The following GABBR1 variants were observed in gnomAD, a reference collection of about 807,000 sequenced individuals.
GABBR1 encodes the protein gamma-aminobutyric acid type B receptor subunit 1.
A neutral mutation model predicts 117.7 loss-of-function variants in GABBR1; 35 were observed. The ratio of observed to expected loss-of-function variants is 0.30; its 90% CI spans 0.23 to 0.39. The LOEUF is 0.39. GABBR1 is among the 10% of genes least tolerant of loss of function. The pLI is 1.00. For synonymous variants in GABBR1, 442 were observed against 486.6 expected, an observed-to-expected ratio of 0.91 and a Z score of 1.21; for missense variants, 709 against 1,241.8, an observed-to-expected ratio of 0.57 and a Z score of 6.45.
Position 29,622,140 on chromosome 6 carries a change from G to T in GABBR1, c.1029C>A (p.Phe343Leu), listed in dbSNP as rs757490771. 6.2e-7 allele frequency: 1 copy of T among 1,614,162 alleles called. No individual in the cohort carries two copies. Among genetic ancestry groups the T allele is most frequent in the Non-Finnish European group, 8.5e-7 (1 of 1,180,020 alleles). The change falls in exon 9 of 23, where the codon TTC becomes TTA. Residue 343 changes from phenylalanine to leucine, a missense_variant. Phe to Leu is a conservative substitution (Grantham distance 22). Around this residue, in one of 9 missense-constraint regions of GABBR1, gnomAD observed 192 missense variants for 418.4 expected, o/e 0.46. Coordinates refer to ENST00000377034, the MANE Select transcript of GABBR1 (RefSeq NM_001470.4). This position sits in a 1 kb window ranked among gnomAD's most constrained non-coding sequence, Gnocchi z 4.6. Reference sequence around the variant, plus strand: ...TGACGGGCACAGCTGGATCTGAGAAGAAACTCTGGCGGAAAGTAATCTCAA... The same window carrying T: ...TGACGGGCACAGCTGGATCTGAGAATAAACTCTGGCGGAAAGTAATCTCAA... ...AGIEITFRQS[F>L]FSDPAVPVKN... is the part of the protein sequence containing the mutation.
Position 29,603,409 on chromosome 6 carries a change from A to G in GABBR1, c.*134T>C. 1.3e-6 allele frequency: 1 copy of G among 789,208 alleles called. No homozygotes were observed. Among genetic ancestry groups the G allele is most frequent in the Non-Finnish European group, 2.2e-6 (1 of 452,078 alleles). The allele number at this position is 789,208 out of a possible 1,614,324, so 48.9% of individuals were successfully genotyped here. A position where few individuals can be genotyped will look rare whatever the true frequency, so the allele number is the denominator to read the frequency against. On this transcript the variant is annotated 3_prime_UTR_variant, in exon 23 of 23. Coordinates refer to ENST00000377034, the MANE Select transcript of GABBR1 (RefSeq NM_001470.4). ...ATCAGCCCAGAACTCACAGGGGGAC[A>G]TGTATTTACAAGAGATGAGATTGGA... is the stretch of plus-strand genomic sequence containing the variant.
chr6:29,610,310 G>A (rs1400607491), intron 14 of GABBR1, among the ~76,000 whole-genome samples: 1 of 152,064 alleles, frequency 6.6e-6, no homozygotes, highest in African/African-American at 2.4e-5. Context: ...TATTTTGAGG[G>A]ATGTAATACT....
chr6:29,630,028 T>C lies in GABBR1; in HGVS notation c.475+430A>G, dbSNP rs1764793824. On this transcript the variant is annotated intron_variant, in intron 4 of 22. Coordinates refer to ENST00000377034, the MANE Select transcript of GABBR1 (RefSeq NM_001470.4). This position sits in a 1 kb window ranked among gnomAD's most constrained non-coding sequence, Gnocchi z 4.9. ...TTCTCAATTTTTCTTAGTAGAATGT[T>C]TGATTTATTTCTGAGTCTTTACAAT... 1 of 160,984 alleles carries C rather than the reference T, an allele frequency of 6.2e-6. No individual in the cohort carries two copies. Among genetic ancestry groups the C allele is most frequent in the African/African-American group, 2.4e-5 (1 of 41,846 alleles). The allele number at this position is 160,984 out of a possible 1,614,324, so 10.0% of individuals were successfully genotyped here. A position where few individuals can be genotyped will look rare whatever the true frequency, so the allele number is the denominator to read the frequency against.
rs367760176 is a variant in GABBR1, at chr6:29,606,399, G to A, written c.2303C>T (p.Thr768Ile). 5.6e-6 allele frequency: 9 copies of A among 1,610,844 alleles called. No individual in the cohort carries two copies. Among genetic ancestry groups the A allele is most frequent in the Non-Finnish European group, 7.6e-6 (9 of 1,177,898 alleles). Residue 768 changes from threonine to isoleucine, a missense_variant, in exon 19 of 23, where the codon ACA becomes ATA. Coordinates refer to ENST00000377034, the MANE Select transcript of GABBR1 (RefSeq NM_001470.4). The surrounding 1 kb of genome is among the most constrained non-coding windows in gnomAD (Gnocchi z 4.5). ...LEHCSSRKMN[T>I]WLGIFYGYKG... ...GCCCACATCCCACACACCAAGCCAT[G>A]TATTCATCTTCCTGGAGCTGCAATG...
In GABBR1 at chr6:29,627,461, C is replaced by CCCCCCCCCCCCTG; in HGVS notation, c.657+24_657+25insCAGGGGGGGGGGG. On this transcript the variant is annotated intron_variant, in intron 6 of 22. Coordinates refer to ENST00000377034, the MANE Select transcript of GABBR1 (RefSeq NM_001470.4). This position sits in a 1 kb window ranked among gnomAD's most constrained non-coding sequence, Gnocchi z 4.4. Reference sequence around the variant, plus strand: ...CCCTGCCCCGCAAGCCCCCACCTCCCACCCACCCCCATGTCCAGGGCTACC... The same window carrying CCCCCCCCCCCCTG: ...CCCTGCCCCGCAAGCCCCCACCTCCCCCCCCCCCCCCTGACCCACCCCCATGTCCAGGGCTACC... 1 of 1,498,206 alleles carries CCCCCCCCCCCCTG rather than the reference C, an allele frequency of 6.7e-7. No individual in the cohort carries two copies. The highest frequency in any genetic ancestry group is 1.2e-5 in the South Asian group (1 of 82,762). The allele number at this position is 1,498,206 out of a possible 1,614,324, so 92.8% of individuals were successfully genotyped here.
intron 5 of GABBR1, chr6:29,628,030 G>A (rs1300011533): frequency 2.5e-5 from 32 of 1,259,026 alleles, no homozygotes; most frequent in South Asian, 8.1e-5. Flanking sequence ...CGGAGGGGAG[G>A]AGGAGGAGCA....
intron 4 of GABBR1, 160 bp from the exon 5 acceptor site, chr6:29,629,267 G>A (rs1764714192): frequency 1.3e-6 from 1 of 775,166 alleles, no homozygotes. Context: ...AGAACAAGGT[G>A]GGTCTGGGGG....
chr6:29,629,293 T>C (rs1195100145), intron 4 of GABBR1, 186 bp from the exon 5 acceptor site: 1 of 710,602 alleles, frequency 1.4e-6, no homozygotes, highest in Admixed American at 2.0e-5. Flanking sequence ...GGGTCAGGAC[T>C]TATTTTCTTC....
intron 6 of GABBR1, among the ~76,000 whole-genome samples, chr6:29,626,157 G>C (rs1028209921): frequency 6.6e-6 from 1 of 152,088 alleles, no homozygotes; most frequent in Non-Finnish European, 1.5e-5. Flanking sequence ...CAGTCAAAAA[G>C]GATTTTAAGT....
At position 29,630,590 on chromosome 6, in the gene GABBR1, T is replaced by A. The variant is rs1209593413; in HGVS notation, c.343A>T (p.Thr115Ser). ...LTLENGKVFL[T>S]GGDLPALDGA... ...TCCAGAGCTGGGAGGTCCCCACCCGTCAGGAAAACCTTCCCATTTTCCAGG... is the reference window on the plus strand; with the variant it reads ...TCCAGAGCTGGGAGGTCCCCACCCGACAGGAAAACCTTCCCATTTTCCAGG... Residue 115 changes from threonine to serine, a missense_variant, in exon 4 of 23, where the codon ACG becomes TCG. Coordinates refer to ENST00000377034, the MANE Select transcript of GABBR1 (RefSeq NM_001470.4). This position sits in a 1 kb window ranked among gnomAD's most constrained non-coding sequence, Gnocchi z 4.9. 1 of 1,612,960 alleles carries A rather than the reference T, an allele frequency of 6.2e-7. No homozygotes were observed. The highest frequency in any genetic ancestry group is 8.5e-7 in the Non-Finnish European group (1 of 1,179,972).
chr6:29,604,596 C>T lies in GABBR1; in HGVS notation c.2610G>A (p.Ala870=), dbSNP rs145419499. ...ATGACCCTGTCTTCATGGTGTCCTG[C>T]GCCTCCGACTGCCATTCCCCTCGGG... ...LITRGEWQSE[A]QDTMKTGSST... is the part of the protein sequence containing the mutation. The change falls in exon 22 of 23, where the codon GCG becomes GCA. Residue 870 remains alanine (A), a synonymous_variant. Transcript: ENST00000377034. The surrounding 1 kb of genome is among the most constrained non-coding windows in gnomAD (Gnocchi z 5.3). The T allele has an allele frequency of 7.1e-5, 115 of 1,613,248 alleles. No homozygotes were observed. In the African/African-American group the frequency reaches 1.1e-3, roughly 16 times the overall value.
Position 29,604,986 on chromosome 6 carries a change from G to C in GABBR1, c.2442C>G (p.Val814=). ...TGACAGGAGCAGTGATGAGGCACAG[G>C]ACCTAGAGGGAAAGACACATTGAGG... ...AVGMAIYNVA[V]LCLITAPVTM... The change falls in exon 21 of 23, where the codon GTC becomes GTG. Residue 814 remains valine (V), a splice_region_variant and synonymous_variant. Transcript: ENST00000377034. This position sits in a 1 kb window ranked among gnomAD's most constrained non-coding sequence, Gnocchi z 5.3. 1 of 1,609,316 alleles carries C rather than the reference G, an allele frequency of 6.2e-7. No homozygotes were observed. The highest frequency in any genetic ancestry group is 8.5e-7 in the Non-Finnish European group (1 of 1,178,310).
In GABBR1 at chr6:29,627,317, C is replaced by A. The variant is rs55635703; in HGVS notation, c.657+169G>T. Among the ~76,000 whole-genome samples, 1 of 152,282 alleles carries A rather than the reference C, an allele frequency of 6.6e-6. No homozygotes were observed. Among genetic ancestry groups the A allele is most frequent in the Non-Finnish European group, 1.5e-5 (1 of 68,014 alleles). On this transcript the variant is annotated intron_variant, in intron 6 of 22. Transcript: ENST00000377034. The surrounding 1 kb of genome is among the most constrained non-coding windows in gnomAD (Gnocchi z 4.4). ...CCTCATCTTGGACCTCCAGCCCCTG[C>A]GACTCTCCCCAAGCTCCTGCACCCC...
chr6:29,612,320 C>T (rs1366718671), intron 13 of GABBR1, among the ~76,000 whole-genome samples: 1 of 152,100 alleles, frequency 6.6e-6, no homozygotes, highest in South Asian at 2.1e-4. Context: ...CCAGCCTGCA[C>T]ACCTCTTTTC....
At chr6:29,629,148 T>C in intron 4 of GABBR1, 41 bp from the exon 5 acceptor site, 1 of 1,612,010 alleles carries the variant, frequency 6.2e-7, no homozygotes, top group Non-Finnish European at 8.5e-7. Flanking sequence ...GAGTTACCAC[T>C]GGCGCCCAGC....
chr6:29,606,966 C>G lies in GABBR1; in HGVS notation c.2148G>C (p.Leu716=), dbSNP rs1167377149. The G allele has an allele frequency of 1.1e-5, 17 of 1,614,244 alleles. No individual in the cohort carries two copies. The highest frequency in any genetic ancestry group is 1.4e-5 in the Non-Finnish European group (16 of 1,180,044). Reference sequence around the variant, plus strand: ...GAGTGAGGACATCCATGCCCACCAGCAGGCCCACTGTGGCATACAGCTTCC... The same window carrying G: ...GAGTGAGGACATCCATGCCCACCAGGAGGCCCACTGTGGCATACAGCTTCC... ...EPWKLYATVG[L]LVGMDVLTLA... Residue 716 remains leucine, a synonymous_variant, in exon 18 of 23, where the codon CTG becomes CTC. Transcript: ENST00000377034. The surrounding 1 kb of genome is among the most constrained non-coding windows in gnomAD (Gnocchi z 4.5).
chr6:29,623,248 T>G lies in GABBR1; in HGVS notation c.963+57A>C. On this transcript the variant is annotated intron_variant, in intron 8 of 22. Transcript: ENST00000377034. This position sits in a 1 kb window ranked among gnomAD's most constrained non-coding sequence, Gnocchi z 6.2. Reference sequence around the variant, plus strand: ...CTAAAAGTGACTCTCACGTCACATCTCCTGGTGCTGGAATTTGAGCTTATG... The same window carrying G: ...CTAAAAGTGACTCTCACGTCACATCGCCTGGTGCTGGAATTTGAGCTTATG... The G allele has an allele frequency of 2.6e-6, 4 of 1,510,160 alleles. No individual in the cohort carries two copies. The highest frequency in any genetic ancestry group is 3.6e-6 in the Non-Finnish European group (4 of 1,102,566). 93.5% of individuals were successfully genotyped at this position (1,510,160 alleles called of 1,614,324 possible). A position where few individuals can be genotyped will look rare whatever the true frequency, so the allele number is the denominator to read the frequency against.
chr6:29,632,553 G>A lies in GABBR1; in HGVS notation c.1-168C>T. The stretch of plus-strand genomic sequence containing the variant: ...CGGGGGCGGAGCCCCGCGCGGGGTG[G>A]GGGGAGAGGAGGAGAGAAAGCCTGT... On this transcript the variant is annotated intron_variant, in intron 1 of 22. Coordinates refer to ENST00000377034, the MANE Select transcript of GABBR1 (RefSeq NM_001470.4). This position sits in a 1 kb window ranked among gnomAD's most constrained non-coding sequence, Gnocchi z 5.8. 1.1e-6 allele frequency: 1 copy of A among 884,824 alleles called. No homozygotes were observed. The highest frequency in any genetic ancestry group is 3.5e-4 in the Middle Eastern group (1 of 2,826). The allele number at this position is 884,824 out of a possible 1,614,324, so 54.8% of individuals were successfully genotyped here.
rs1359308190 is a variant in GABBR1 at position 29,609,869 on chromosome 6, A to G, written c.1709-490T>C. ...TATTCTTAAGACAAACAAAAAAAGA[A>G]GGAAAGCTAATCTGAAATTTTAATC... On this transcript the variant is annotated intron_variant, in intron 14 of 22. Transcript: ENST00000377034. The surrounding 1 kb of genome is among the most constrained non-coding windows in gnomAD (Gnocchi z 4.3). Among the ~76,000 whole-genome samples the G allele has an allele frequency of 1.3e-5, 2 of 152,128 alleles. No individual in the cohort carries two copies. Among genetic ancestry groups the G allele is most frequent in the African/African-American group, 4.8e-5 (2 of 41,416 alleles).
Sources: gnomAD v4.1 joint callset for allele counts (sites outside exome capture counted in the v4.1 genomes callset) on GRCh38, gnomAD v4.1.1 for gene constraint, gnomAD v4.1.1 regional missense constraint, Gnocchi (gnomAD v3.1) non-coding constraint, MANE v1.5 for transcripts, NCBI Gene and HGNC (gene_info 2026-07-23, HGNC 2026-07-21) for gene names.